Variants in RC3H1 observed in about 807,000 individuals in gnomAD.
RC3H1 encodes the protein ring finger and CCCH-type domains 1, also known as roquin-1.
A neutral mutation model predicts 138.2 loss-of-function variants in RC3H1; 50 were observed. That is an observed-to-expected ratio of 0.36 (90% CI 0.29 to 0.46). RC3H1 has a LOEUF of 0.46. RC3H1 is among the 20% of genes least tolerant of loss of function. The pLI, the probability that RC3H1 is intolerant of heterozygous loss-of-function variation, is 1.00. For missense variants in RC3H1, 1,031 were observed against 1,388.1 expected (o/e 0.74, Z 4.09); for synonymous variants, 462 against 489.1 (o/e 0.94, Z 0.73).
chr1:173,961,406 A>G (rs1659869708), intron 12 of RC3H1, among the ~76,000 whole-genome samples, 162 bp from the exon 13 acceptor site: 1 of 152,112 alleles, frequency 6.6e-6, no homozygotes, highest in Non-Finnish European at 1.5e-5. Context: ...AAAACCCCCC[A>G]AACTCTCAAG....
At chr1:174,008,976 G>GA (rs59047478) in intron 1 of RC3H1, among the ~76,000 whole-genome samples, 4,510 of 83,900 alleles carry the variant, frequency 0.054, 236 homozygotes, top group East Asian at 0.3. Context: ...GACTTTGTCT[G>GA]AAAAAAAAAA....
intron 9 of RC3H1, among the ~76,000 whole-genome samples, chr1:173,967,639 T>C (rs746543719): frequency 2.6e-5 from 4 of 152,202 alleles, no homozygotes; most frequent in Non-Finnish European, 5.9e-5. Context: ...GTAAACTATG[T>C]TTATGATCCA....
Position 173,992,803 on chromosome 1 carries a change from A to G in RC3H1, c.183T>C (p.Ile61=). ...PFDQTTINTD[I]ELLPVNSALL... is the part of the protein sequence containing the mutation. ...ATGCTGAGTTCACAGGGAGGAGCTC[A>G]ATGTCTGTATTGATAGTGGTCTGGT... The change falls in exon 2 of 20, where the codon ATT becomes ATC. Residue 61 remains isoleucine (I), a synonymous_variant. Coordinates refer to ENST00000367696, the MANE Select transcript of RC3H1 (RefSeq NM_172071.4). 6.2e-7 allele frequency: 1 copy of G among 1,614,116 alleles called. No individual in the cohort carries two copies. Among genetic ancestry groups the G allele is most frequent in the Non-Finnish European group, 8.5e-7 (1 of 1,180,014 alleles).
chr1:174,010,490 C>A (rs1661730740), intron 1 of RC3H1, among the ~76,000 whole-genome samples: 1 of 152,192 alleles, frequency 6.6e-6, no homozygotes, highest in South Asian at 2.1e-4. Context: ...TCAGAGCTCA[C>A]TGCAGCCTCG....
chr1:174,000,451 T>C (rs1437897884), intron 1 of RC3H1, among the ~76,000 whole-genome samples: 1 of 152,208 alleles, frequency 6.6e-6, no homozygotes, highest in Non-Finnish European at 1.5e-5. Context: ...TTACAGAAGA[T>C]AACTTGAGGT....
chr1:173,973,112 T>A (rs1660434886), intron 7 of RC3H1, among the ~76,000 whole-genome samples: 1 of 152,240 alleles, frequency 6.6e-6, no homozygotes, highest in African/African-American at 2.4e-5. Context: ...TATTGGCATC[T>A]AAGAAATTTA....
chr1:173,980,278 T>TG (rs1283861460), intron 6 of RC3H1, among the ~76,000 whole-genome samples: 1 of 127,822 alleles, frequency 7.8e-6, no homozygotes, highest in African/African-American at 2.9e-5. Flanking sequence ...AAAAAAAAGG[T>TG]GGGGGGGAAT....
In RC3H1 at chr1:173,961,164, T is replaced by A; in HGVS notation, c.2283A>T (p.Ile761=). ...CCTTTCTTTCCTCTAGCTGGGCCAT[T>A]ATTTCCTTTCGTCGGCGATGTAGTT... ...LDELHRRRKE[I]MAQLEERKVI... is the part of the protein sequence containing the mutation. Residue 761 remains isoleucine, a synonymous_variant, in exon 13 of 20, where the codon ATA becomes ATT. Coordinates refer to ENST00000367696, the MANE Select transcript of RC3H1 (RefSeq NM_172071.4). The A allele has an allele frequency of 1.9e-6, 3 of 1,614,014 alleles. No homozygotes were observed. Among genetic ancestry groups the A allele is most frequent in the Non-Finnish European group, 2.5e-6 (3 of 1,179,986 alleles).
At chr1:174,014,549 A>G (rs1661824086) in intron 1 of RC3H1, among the ~76,000 whole-genome samples, 1 of 152,234 alleles carries the variant, frequency 6.6e-6, no homozygotes, top group Non-Finnish European at 1.5e-5. Flanking sequence ...CCTAAACTAT[A>G]TAAGGTTTTA....
rs1203846994 is a variant in RC3H1 at position 173,936,759 on chromosome 1, ATATTTT to A, written c.*1956_*1961del. On this transcript the variant is annotated 3_prime_UTR_variant, in exon 20 of 20. Coordinates refer to ENST00000367696, the MANE Select transcript of RC3H1 (RefSeq NM_172071.4). Reference sequence around the variant, plus strand: ...TATATATATATATATATATATATATATATTTTTTTTTTTTTTTTTAAAAAAAGAAGA... The same window carrying A: ...TATATATATATATATATATATATATATTTTTTTTTTTTTAAAAAAAGAAGA... The A allele has an allele frequency of 5.8e-3, 120 of 20,754 alleles. No individual in the cohort carries two copies. Among genetic ancestry groups the A allele is most frequent in the Middle Eastern group, 0.031 (1 of 32 alleles). 1.3% of individuals were successfully genotyped at this position (20,754 alleles called of 1,614,324 possible). A position where few individuals can be genotyped will look rare whatever the true frequency, so the allele number is the denominator to read the frequency against.
chr1:173,983,730 G>T, intron 3 of RC3H1, 73 bp from the exon 4 acceptor site: 2 of 1,527,924 alleles, frequency 1.3e-6, no homozygotes, highest in Non-Finnish European at 1.8e-6. Flanking sequence ...TCTTCTGTTG[G>T]GTTAACTTGT....
intron 17 of RC3H1, 148 bp downstream of exon 17, chr1:173,946,328 G>T: frequency 1.8e-6 from 1 of 558,652 alleles, no homozygotes; most frequent in Non-Finnish European, 2.9e-6. Flanking sequence ...GCTAAATCCA[G>T]TATTGAATTC....
In RC3H1 at chr1:173,962,114, G is replaced by T. The variant is rs749155415; in HGVS notation, c.1832-19C>A. The stretch of plus-strand genomic sequence containing the variant: ...TACATACCTGCACAATACAAAAGAG[G>T]ACCCAAAAGCAAATAATGAGCCAAT... On this transcript the variant is annotated intron_variant, in intron 11 of 19. Transcript: ENST00000367696. The T allele has an allele frequency of 6.4e-7, 1 of 1,562,060 alleles. No homozygotes were observed.
Position 173,993,138 on chromosome 1 carries a change from G to A in RC3H1, c.-150-3C>T. On this transcript the variant is annotated splice_region_variant and splice_polypyrimidine_tract_variant and intron_variant, in intron 1 of 19. Coordinates refer to ENST00000367696, the MANE Select transcript of RC3H1 (RefSeq NM_172071.4). ...CAGCACATAGTGTGAAATATAACCT[G>A]AAAATAAAGAAAAAGGAAAAAAATT... 1.7e-5 allele frequency: 10 copies of A among 577,440 alleles called. No individual in the cohort carries two copies. Among genetic ancestry groups the A allele is most frequent in the African/African-American group, 3.8e-5 (2 of 52,516 alleles). The allele number at this position is 577,440 out of a possible 1,614,324, so 35.8% of individuals were successfully genotyped here.
chr1:173,980,143 G>A (rs932369947), intron 6 of RC3H1, among the ~76,000 whole-genome samples: 2 of 149,636 alleles, frequency 1.3e-5, no homozygotes, highest in African/African-American at 4.9e-5. Context: ...CTCTCAAAGT[G>A]CTGAGATTAC....
At chr1:173,938,995 G>T in intron 19 of RC3H1, 124 bp from the exon 20 acceptor site, 1 of 678,862 alleles carries the variant, frequency 1.5e-6, no homozygotes, top group Non-Finnish European at 2.3e-6. Context: ...TTAATCTACA[G>T]CCCCTTATCC....
In RC3H1 at chr1:174,022,167, C is replaced by G. The variant is rs1661980699; in HGVS notation, c.-222G>C. The G allele has an allele frequency of 2.5e-6, 1 of 395,080 alleles. No homozygotes were observed. The allele number at this position is 395,080 out of a possible 1,614,324, so 24.5% of individuals were successfully genotyped here. A position where few individuals can be genotyped will look rare whatever the true frequency, so the allele number is the denominator to read the frequency against. On this transcript the variant is annotated 5_prime_UTR_variant, in exon 1 of 20. Transcript: ENST00000367696. This position sits in a 1 kb window ranked among gnomAD's most constrained non-coding sequence, Gnocchi z 4.2. ...CCGTCGCCACCGCCGCGGCAGCCGC[C>G]GCCGCCGCCGAGGCCACCGTTGACT...
chr1:173,952,923 T>C (rs1169600123), intron 13 of RC3H1, among the ~76,000 whole-genome samples: 1 of 152,216 alleles, frequency 6.6e-6, no homozygotes, highest in Non-Finnish European at 1.5e-5. Flanking sequence ...AGGGCAGTGC[T>C]AGGACTATAA....
At chr1:174,007,515 G>A (rs1661676625) in intron 1 of RC3H1, among the ~76,000 whole-genome samples, 1 of 152,080 alleles carries the variant, frequency 6.6e-6, no homozygotes, top group Admixed American at 6.6e-5. Flanking sequence ...CGAGGCTGGA[G>A]TGCAGTGGCA....
Sources: allele counts gnomAD v4.1 joint callset (sites outside exome capture counted in the v4.1 genomes callset), GRCh38; gene constraint gnomAD v4.1.1; non-coding constraint Gnocchi (gnomAD v3.1); transcripts MANE v1.5; gene names NCBI Gene and HGNC (gene_info 2026-07-23, HGNC 2026-07-21).